Variants in FAT3 observed in about 807,000 individuals in gnomAD.
FAT3 encodes the protein protocadherin Fat 3.
A neutral mutation model predicts 310.2 loss-of-function variants in FAT3; 95 were observed. That is an observed-to-expected ratio of 0.31 (90% CI 0.26 to 0.36). The LOEUF (loss-of-function observed/expected upper bound fraction) is 0.36. Among genes scored for constraint, FAT3 ranks in the 10% least tolerant of loss-of-function variants. The probability of loss-of-function intolerance (pLI) is 1.00; values close to 1 mark genes in which losing one functional copy is unlikely to be tolerated. For synonymous variants in FAT3, 2,314 were observed against 2,192.9 expected (o/e 1.06, Z -1.54); for missense variants, 5,408 against 5,715.6 (o/e 0.95, Z 1.74).
intron 2 of FAT3, among the ~76,000 whole-genome samples, chr11:92,412,750 T>TATATATATATAC: frequency 1.5e-5 from 1 of 66,976 alleles, no homozygotes; most frequent in South Asian, 4.3e-4. Context: ...TATATAAATA[T>TATATATATATAC]ACATACATAT....
intron 2 of FAT3, among the ~76,000 whole-genome samples, chr11:92,513,070 C>T (rs1294427988): frequency 2.4e-5 from 1 of 41,632 alleles, no homozygotes; most frequent in Non-Finnish European, 4.4e-5. Flanking sequence ...TGCAGTGAGC[C>T]GAGATCGCGC....
At chr11:92,641,714 T>A (rs1190049866) in intron 3 of FAT3, among the ~76,000 whole-genome samples, 1 of 152,242 alleles carries the variant, frequency 6.6e-6, no homozygotes, top group Non-Finnish European at 1.5e-5. Flanking sequence ...ACAAAGATCC[T>A]TTTTCCAAAT....
At chr11:92,315,646 C>T (rs1439541568) in intron 1 of FAT3, among the ~76,000 whole-genome samples, 1 of 151,332 alleles carries the variant, frequency 6.6e-6, no homozygotes, top group Non-Finnish European at 1.5e-5. Context: ...GCCTCAGCCT[C>T]CCGAGTAGCG....
At chr11:92,615,685 C>G (rs868378433) in intron 3 of FAT3, among the ~76,000 whole-genome samples, 16 of 152,258 alleles carry the variant, frequency 1.1e-4, no homozygotes, top group Middle Eastern at 6.8e-3. Flanking sequence ...TGTCTTTGTT[C>G]TCATTGGTTT....
At chr11:92,620,690 G>T (rs1227428604) in intron 3 of FAT3, among the ~76,000 whole-genome samples, 4 of 151,870 alleles carry the variant, frequency 2.6e-5, no homozygotes, top group African/African-American at 9.7e-5. Flanking sequence ...AGACTACTGG[G>T]CTTATTCCTA....
At chr11:92,885,268 A>G (rs1300751923) in intron 24 of FAT3, among the ~76,000 whole-genome samples, 1 of 152,192 alleles carries the variant, frequency 6.6e-6, no homozygotes, top group African/African-American at 2.4e-5. Flanking sequence ...TTAAACCATC[A>G]TAGTGCCCCC....
intron 2 of FAT3, among the ~76,000 whole-genome samples, chr11:92,474,883 CT>C (rs1388240294): frequency 1.3e-5 from 2 of 152,170 alleles, no homozygotes; most frequent in African/African-American, 4.8e-5. Flanking sequence ...GCTTGGCTAT[CT>C]TTCTAATCTC....
At chr11:92,297,770 C>T (rs1946888707) in intron 1 of FAT3, among the ~76,000 whole-genome samples, 1 of 152,118 alleles carries the variant, frequency 6.6e-6, no homozygotes. Flanking sequence ...GGGGATTGCT[C>T]CTGAGAGCTC....
intron 3 of FAT3, among the ~76,000 whole-genome samples, chr11:92,608,166 G>C (rs1459324977): frequency 6.6e-6 from 1 of 152,160 alleles, no homozygotes; most frequent in African/African-American, 2.4e-5. Context: ...TGAAAGAGCT[G>C]AGTCATCACT....
chr11:92,242,249 A>G (rs147130413), intron 1 of FAT3, among the ~76,000 whole-genome samples: 77 of 152,152 alleles, frequency 5.1e-4, no homozygotes, highest in African/African-American at 1.8e-3. Context: ...ACTTTTATAA[A>G]ACAGACCTTT....
chr11:92,225,392 AG>A (rs1032725938), intron 1 of FAT3, among the ~76,000 whole-genome samples: 10 of 152,036 alleles, frequency 6.6e-5, no homozygotes, highest in Admixed American at 2.0e-4. Context: ...ACAGGAGAAG[AG>A]GGTGGCTTGG....
chr11:92,273,877 T>A (rs1034113131), intron 1 of FAT3, among the ~76,000 whole-genome samples: 2 of 152,158 alleles, frequency 1.3e-5, no homozygotes, highest in African/African-American at 4.8e-5. Context: ...CTTGCTTGAT[T>A]TGTAGAATAT....
At chr11:92,433,739 G>C (rs1950856222) in intron 2 of FAT3, among the ~76,000 whole-genome samples, 1 of 151,990 alleles carries the variant, frequency 6.6e-6, no homozygotes. Context: ...GGCTGGGTGT[G>C]GTGGCTCACG....
intron 1 of FAT3, among the ~76,000 whole-genome samples, chr11:92,315,628 A>C (rs1215719833): frequency 6.7e-6 from 1 of 150,370 alleles, no homozygotes; most frequent in Non-Finnish European, 1.5e-5. Context: ...GGCTCAAGTG[A>C]TCCTCCCGCC....
At chr11:92,617,327 T>A (rs1940860013) in intron 3 of FAT3, among the ~76,000 whole-genome samples, 1 of 152,190 alleles carries the variant, frequency 6.6e-6, no homozygotes, top group Non-Finnish European at 1.5e-5. Context: ...TTCAGCTCCA[T>A]CTGGTCATTT....
At chr11:92,613,995 G>C (rs906081264) in intron 3 of FAT3, among the ~76,000 whole-genome samples, 5 of 152,124 alleles carry the variant, frequency 3.3e-5, no homozygotes, top group Admixed American at 2.6e-4. Context: ...ATGGAATCAT[G>C]TAATATATAA....
At chr11:92,473,619 T>C (rs1016239570) in intron 2 of FAT3, among the ~76,000 whole-genome samples, 1 of 152,212 alleles carries the variant, frequency 6.6e-6, no homozygotes, top group African/African-American at 2.4e-5. Context: ...GAATGTTTGA[T>C]AAATCTCTCC....
At chr11:92,536,753 A>G (rs1275664370) in intron 3 of FAT3, among the ~76,000 whole-genome samples, 1 of 152,138 alleles carries the variant, frequency 6.6e-6, no homozygotes, top group African/African-American at 2.4e-5. Flanking sequence ...TGATTTCTAT[A>G]TATGTGGTTC....
At chr11:92,312,702 G>A (rs1947341908) in intron 1 of FAT3, among the ~76,000 whole-genome samples, 1 of 152,074 alleles carries the variant, frequency 6.6e-6, no homozygotes, top group South Asian at 2.1e-4. Context: ...CAGTAGGAGC[G>A]TGCTTCTTGG....
Sources: gnomAD v4.1 joint callset for allele counts (sites outside exome capture counted in the v4.1 genomes callset) on GRCh38, gnomAD v4.1.1 for gene constraint, MANE v1.5 for transcripts, NCBI Gene and HGNC (gene_info 2026-07-23, HGNC 2026-07-21) for gene names.